MCPH1: variants seen among roughly 807,000 people sequenced by gnomAD.
The protein encoded by MCPH1 is microcephalin.
In MCPH1, 104 loss-of-function variants were observed where a neutral mutation model predicts 84.5. The ratio of observed to expected loss-of-function variants is 1.23; its 90% confidence interval spans 1.05 to 1.45. MCPH1 has a LOEUF of 1.45. Among genes scored for constraint, MCPH1 ranks in the 40% most tolerant of loss-of-function variants. The pLI, the probability that MCPH1 is intolerant of heterozygous loss-of-function variation, is 0.00. For missense variants in MCPH1, 1,498 were observed against 1,005.7 expected (o/e 1.49, Z -6.62); for synonymous variants, 514 against 366.8 (o/e 1.40, Z -4.58).
rs114195212 is a variant in MCPH1 at position 6,626,800 on chromosome 8, T to C, written c.2452+5109T>C. On this transcript the variant is annotated intron_variant, in intron 13 of 13. Transcript: ENST00000344683. Reference sequence around the variant, plus strand: ...GGTCCTCAAGGGTCTGCGACATTTGTGCTGTGGTCAGCTCTGTGCACTCTT... The same window carrying C: ...GGTCCTCAAGGGTCTGCGACATTTGCGCTGTGGTCAGCTCTGTGCACTCTT... The C allele has an allele frequency of 8.7e-4, 859 of 985,340 alleles. 9 individuals carry two copies. In the African/African-American group the frequency reaches 0.014, roughly 16 times the overall value. The allele number at this position is 985,340 out of a possible 1,614,324, so 61.0% of individuals were successfully genotyped here. A position where few individuals can be genotyped will look rare whatever the true frequency, so the allele number is the denominator to read the frequency against.
At chr8:6,623,019 T>C (rs1279795244) in intron 13 of MCPH1, among the ~76,000 whole-genome samples, 1 of 146,030 alleles carries the variant, frequency 6.8e-6, no homozygotes, top group Admixed American at 6.8e-5. Context: ...CTTTCTTTTT[T>C]TTTTTTTTTT....
intron 12 of MCPH1, among the ~76,000 whole-genome samples, chr8:6,612,505 G>A (rs115763173): frequency 1.4e-4 from 22 of 152,172 alleles, no homozygotes; most frequent in African/African-American, 3.4e-4. Context: ...TCCCCGACCC[G>A]TGCTCTTCAG....
intron 12 of MCPH1, among the ~76,000 whole-genome samples, chr8:6,581,758 C>T (rs1180286222): frequency 6.6e-6 from 1 of 152,114 alleles, no homozygotes; most frequent in South Asian, 2.1e-4. Flanking sequence ...AACTGGGTGT[C>T]TTATAAACGA....
At position 6,445,091 on chromosome 8, in the gene MCPH1, G is replaced by C. The variant is rs201039834; in HGVS notation, c.1369G>C (p.Glu457Gln). 6.2e-7 allele frequency: 1 copy of C among 1,614,126 alleles called. No homozygotes were observed. The highest frequency in any genetic ancestry group is 8.5e-7 in the Non-Finnish European group (1 of 1,180,056). ...LSKKERTSIFEMSDFSCVGKK... is the reference protein window; with the variant it reads ...LSKKERTSIFQMSDFSCVGKK... The stretch of plus-strand genomic sequence containing the variant: ...TAAGAAGGAGAGAACAAGCATATTT[G>C]AAATGTCTGATTTTTCCTGCGTTGG... Residue 457 changes from glutamate to glutamine, a missense_variant, in exon 8 of 14, where the codon GAA becomes CAA. Physicochemically the swap from Glu to Gln is conservative, Grantham distance 29. Transcript: ENST00000344683.
chr8:6,580,911 G>A (rs1251201427), intron 12 of MCPH1, among the ~76,000 whole-genome samples: 1 of 152,142 alleles, frequency 6.6e-6, no homozygotes, highest in African/African-American at 2.4e-5. Flanking sequence ...ACATCCGCAG[G>A]TTCTGCATCT....
chr8:6,474,174 C>T (rs1808133583), intron 9 of MCPH1: 1 of 736,964 alleles, frequency 1.4e-6, no homozygotes, highest in Non-Finnish European at 2.5e-6. Flanking sequence ...TCTAACTCAT[C>T]AGCTACTCTG....
chr8:6,559,230 A>AACACAAAC (rs1554453151), intron 12 of MCPH1, among the ~76,000 whole-genome samples: 1 of 146,726 alleles, frequency 6.8e-6, no homozygotes, highest in Non-Finnish European at 1.5e-5. Context: ...CACACACGAC[A>AACACAAAC]ACACACACAC....
chr8:6,573,154 G>A (rs187616625), intron 12 of MCPH1, among the ~76,000 whole-genome samples: 1 of 152,212 alleles, frequency 6.6e-6, no homozygotes, highest in Non-Finnish European at 1.5e-5. Context: ...TGAAGAGTCT[G>A]CTTAGGAATT....
chr8:6,435,242 C>T (rs1015710674), intron 4 of MCPH1, among the ~76,000 whole-genome samples: 1 of 152,076 alleles, frequency 6.6e-6, no homozygotes, highest in Non-Finnish European at 1.5e-5. Flanking sequence ...TGTGGTCTTG[C>T]AGGGAGGATG....
chr8:6,643,144 G>A lies in MCPH1; in HGVS notation c.*95G>A, dbSNP rs1026404696. 2 of 1,065,452 alleles carry A rather than the reference G, an allele frequency of 1.9e-6. No individual in the cohort carries two copies. Among genetic ancestry groups the A allele is most frequent in the African/African-American group, 1.5e-5 (1 of 64,622 alleles). 66.0% of individuals were successfully genotyped at this position (1,065,452 alleles called of 1,614,324 possible). Reference sequence around the variant, plus strand: ...ACAAAACTGTGAAGAGAAGGAACTGGCGTATACAAGATGACTTCTGATATC... The same window carrying A: ...ACAAAACTGTGAAGAGAAGGAACTGACGTATACAAGATGACTTCTGATATC... On this transcript the variant is annotated 3_prime_UTR_variant, in exon 14 of 14. Transcript: ENST00000344683.
intron 13 of MCPH1, 145 bp from the exon 14 acceptor site, chr8:6,642,849 C>G (rs1798022084): frequency 1.4e-6 from 1 of 733,144 alleles, no homozygotes; most frequent in South Asian, 1.5e-5. Context: ...GGTATGTGTG[C>G]TCTATGGACG....
chr8:6,436,245 C>A, intron 5 of MCPH1, 83 bp downstream of exon 5: 4 of 1,392,696 alleles, frequency 2.9e-6, no homozygotes, highest in South Asian at 1.2e-5. Context: ...TGGGGTTCAG[C>A]ATGAGAGAGC....
At chr8:6,590,887 GTTTGTT>G (rs1025074161) in intron 12 of MCPH1, among the ~76,000 whole-genome samples, 1 of 152,066 alleles carries the variant, frequency 6.6e-6, no homozygotes, top group Non-Finnish European at 1.5e-5. Flanking sequence ...TTTGTTGTTT[GTTTGTT>G]TTTGTTTTTG....
intron 9 of MCPH1, among the ~76,000 whole-genome samples, chr8:6,467,396 T>A (rs946023440): frequency 6.6e-6 from 1 of 152,218 alleles, no homozygotes; most frequent in South Asian, 2.1e-4. Flanking sequence ...TGCTATTTAT[T>A]TGCAATCTAG....
At chr8:6,512,984 T>G (rs1357104372) in intron 12 of MCPH1, among the ~76,000 whole-genome samples, 2 of 152,238 alleles carry the variant, frequency 1.3e-5, no homozygotes, top group African/African-American at 4.8e-5. Context: ...CAGACTAACT[T>G]TTGAAACCTT....
intron 12 of MCPH1, among the ~76,000 whole-genome samples, chr8:6,575,497 A>G (rs1827001416): frequency 6.6e-6 from 1 of 152,242 alleles, no homozygotes; most frequent in Non-Finnish European, 1.5e-5. Flanking sequence ...TGGTGTCTAT[A>G]CAATGTTGCA....
Position 6,499,923 on chromosome 8 carries a change from A to G in MCPH1, c.2208A>G (p.Ala736=). Residue 736 remains alanine, a synonymous_variant, in exon 12 of 14, where the codon GCA becomes GCG. Coordinates refer to ENST00000344683, the MANE Select transcript of MCPH1 (RefSeq NM_024596.5). ...TCGAACTGTCTCACCACTTCCCTGCAGCTCCCGTAAGTCAGATGTTGTTTT... is the reference window on the plus strand; with the variant it reads ...TCGAACTGTCTCACCACTTCCCTGCGGCTCCCGTAAGTCAGATGTTGTTTT... ...EPFELSHHFP[A]APLCRSECHL... 2 of 1,613,468 alleles carry G rather than the reference A, an allele frequency of 1.2e-6. No homozygotes were observed. Among genetic ancestry groups the G allele is most frequent in the Non-Finnish European group, 1.7e-6 (2 of 1,179,736 alleles).
At chr8:6,467,657 G>A (rs536403310) in intron 9 of MCPH1, among the ~76,000 whole-genome samples, 3 of 152,188 alleles carry the variant, frequency 2.0e-5, no homozygotes, top group South Asian at 2.1e-4. Flanking sequence ...GTGCCGTGGC[G>A]AGATCATAGC....
chr8:6,457,617 A>G (rs1805839501), intron 9 of MCPH1, among the ~76,000 whole-genome samples: 1 of 152,088 alleles, frequency 6.6e-6, no homozygotes, highest in African/African-American at 2.4e-5. Context: ...AAATAAATAA[A>G]TAAATGCTGA....
Sources: allele counts gnomAD v4.1 joint callset (sites outside exome capture counted in the v4.1 genomes callset), GRCh38; gene constraint gnomAD v4.1.1; transcripts MANE v1.5; gene names NCBI Gene and HGNC (gene_info 2026-07-23, HGNC 2026-07-21).